SGSH: variants seen among roughly 807,000 people sequenced by gnomAD.
SGSH encodes the protein N-sulfoglucosamine sulfohydrolase.
Under a neutral mutation model 51.0 loss-of-function variants are expected in SGSH, and 48 were observed. That is an observed-to-expected ratio of 0.94 (90% CI 0.75 to 1.20). The LOEUF is 1.20. Among genes scored for constraint, SGSH ranks in the 50% most tolerant of loss-of-function variants. The probability of loss-of-function intolerance (pLI) is 0.00; values close to 1 mark genes in which losing one functional copy is unlikely to be tolerated. For synonymous variants in SGSH, 321 were observed against 313.4 expected, an observed-to-expected ratio of 1.02 and a Z score of -0.26; for missense variants, 662 against 717.8, an observed-to-expected ratio of 0.92 and a Z score of 0.89.
In SGSH at chr17:80,210,816, C is replaced by CGGCGCT. The variant is rs398123244; in HGVS notation, c.1144_1145insAGCGCC (p.His381_Arg382insGlnArg). 71 of 1,613,840 alleles carry CGGCGCT rather than the reference C, an allele frequency of 4.4e-5. No homozygotes were observed. Among genetic ancestry groups the CGGCGCT allele is most frequent in the Non-Finnish European group, 5.9e-5 (70 of 1,180,024 alleles). On this transcript the variant is annotated inframe_insertion, in exon 8 of 8. Transcript: ENST00000326317. ...GAGGTTGTGCACGAGGCGGAAGTGC[C>CGGCGCT]GGTGCTGCACGGAGCGCATGGGGTA... is the stretch of plus-strand genomic sequence containing the variant.
chr17:80,212,243 G>A lies in SGSH; in HGVS notation c.777C>T (p.Asp259=), dbSNP rs761104676. The A allele has an allele frequency of 6.8e-6, 11 of 1,612,134 alleles. No individual in the cohort carries two copies. The highest frequency in any genetic ancestry group is 2.2e-5 in the East Asian group (1 of 44,854). Residue 259 remains aspartate (D), a synonymous_variant, in exon 7 of 8, where the codon GAC becomes GAT. Coordinates refer to ENST00000326317, the MANE Select transcript of SGSH (RefSeq NM_000199.5). This position sits in a 1 kb window ranked among gnomAD's most constrained non-coding sequence, Gnocchi z 5.9. ...GVGLVLQELR[D]AGVLNDTLVI... ...CCAGTGTGTCGTTCAGGACACCGGCGTCACGCAGCTCCTGGAGCACCAGTC... is the reference window on the plus strand; with the variant it reads ...CCAGTGTGTCGTTCAGGACACCGGCATCACGCAGCTCCTGGAGCACCAGTC...
rs952103873 is a variant in SGSH, at chr17:80,211,098, C to T, written c.950-87G>A. On this transcript the variant is annotated intron_variant, in intron 7 of 7. Transcript: ENST00000326317. The stretch of plus-strand genomic sequence containing the variant: ...AGGGCCGAACCTACGCCACTCTGGG[C>T]GGCTCCCTTCTCCAATCCAATCAGC... 1.6e-5 allele frequency: 25 copies of T among 1,557,776 alleles called. No homozygotes were observed. The African/African-American group carries it at 1.8e-4, about 11-fold the overall frequency.
Position 80,214,194 on chromosome 17 carries a change from G to T in SGSH, c.641C>A (p.Ala214Asp), listed in dbSNP as rs74000629. ...TACCAGCACGTCCAGTGGGTCGTAG[G>T]CCTGGGGGGTCCAGTCTGGGATACG... ...MGRIPDWTPQ[A>D]YDPLDVLVPY... Residue 214 changes from alanine (A) to aspartate (D), a missense_variant, in exon 5 of 8, where the codon GCC becomes GAC. Transcript: ENST00000326317. 2.4e-4 allele frequency: 387 copies of T among 1,611,428 alleles called. 1 individual carries two copies. In the African/African-American group the frequency reaches 4.8e-3, roughly 20 times the overall value.
In SGSH at chr17:80,213,142, C is replaced by T. The variant is rs565485038; in HGVS notation, c.745+662G>A. The stretch of plus-strand genomic sequence containing the variant: ...CTGGGAGGTGGTGGTTGTAGTGAGC[C>T]GAGATTGCGCCACTGCACTCCCGCG... On this transcript the variant is annotated intron_variant, in intron 6 of 7. Coordinates refer to ENST00000326317, the MANE Select transcript of SGSH (RefSeq NM_000199.5). This position sits in a 1 kb window ranked among gnomAD's most constrained non-coding sequence, Gnocchi z 4.6. The T allele has an allele frequency of 6.6e-6, 1 of 150,762 alleles. No individual in the cohort carries two copies. Among genetic ancestry groups the T allele is most frequent in the Admixed American group, 6.6e-5 (1 of 15,096 alleles). 9.3% of individuals were successfully genotyped at this position (150,762 alleles called of 1,614,324 possible). A position where few individuals can be genotyped will look rare whatever the true frequency, so the allele number is the denominator to read the frequency against.
chr17:80,211,733 C>T lies in SGSH; in HGVS notation c.949+338G>A, dbSNP rs2041674311. ...TTGAGCCCGCCAAGATCTACTGAAT[C>T]GGACACCCTGGGATTTGCAATTTGG... is the stretch of plus-strand genomic sequence containing the variant. On this transcript the variant is annotated intron_variant, in intron 7 of 7. Transcript: ENST00000326317. The T allele has an allele frequency of 1.5e-5, 6 of 390,050 alleles. No individual in the cohort carries two copies. In the East Asian group the frequency reaches 1.8e-4, roughly 12 times the overall value. The allele number at this position is 390,050 out of a possible 1,614,324, so 24.2% of individuals were successfully genotyped here.
chr17:80,210,215 C>T lies in SGSH; in HGVS notation c.*237G>A, dbSNP rs1401251740. On this transcript the variant is annotated 3_prime_UTR_variant, in exon 8 of 8. Coordinates refer to ENST00000326317, the MANE Select transcript of SGSH (RefSeq NM_000199.5). ...TCAGACACAAGGACAACTGTGTCCCCTGCCATGACGGCAGTGCCCCTGGTG... is the reference window on the plus strand; with the variant it reads ...TCAGACACAAGGACAACTGTGTCCCTTGCCATGACGGCAGTGCCCCTGGTG... 7.1e-7 allele frequency: 1 copy of T among 1,418,030 alleles called. No individual in the cohort carries two copies. Among genetic ancestry groups the T allele is most frequent in the Non-Finnish European group, 9.2e-7 (1 of 1,089,554 alleles). 87.8% of individuals were successfully genotyped at this position (1,418,030 alleles called of 1,614,324 possible).
downstream of SGSH, chr17:80,207,197 G>T (rs777317088): frequency 1.5e-6 from 1 of 669,008 alleles, no homozygotes; most frequent in Non-Finnish European, 2.5e-6. Context: ...AAGCTGAGGC[G>T]CTGACAGGGC....
Position 80,216,063 on chromosome 17 carries a change from T to G in SGSH, c.250-925A>C, listed in dbSNP as rs2041879848. Among the ~76,000 whole-genome samples, 5 of 151,958 alleles carry G rather than the reference T, an allele frequency of 3.3e-5. No individual in the cohort carries two copies. In the South Asian group the frequency reaches 1.0e-3, roughly 32 times the overall value. On this transcript the variant is annotated intron_variant, in intron 2 of 7. Transcript: ENST00000326317. The stretch of plus-strand genomic sequence containing the variant: ...CAAAAGGGGGGCCGGGCTCGGTGGC[T>G]CACGCCTGTAATCCCAGCACTTTGG...
chr17:80,204,969 G>A (rs577160244), downstream of SGSH: 148 of 1,387,864 alleles, frequency 1.1e-4, no homozygotes, highest in Admixed American at 1.7e-3. Flanking sequence ...AGTCCCTCCC[G>A]GGGCAGGGTA....
At position 80,217,096 on chromosome 17, in the gene SGSH, T is replaced by C. The variant is rs1396883948; in HGVS notation, c.185A>G (p.Asn62Ser). The C allele has an allele frequency of 5.0e-6, 8 of 1,604,546 alleles. No homozygotes were observed. Among genetic ancestry groups the C allele is most frequent in the Middle Eastern group, 3.3e-4 (2 of 6,020 alleles). The stretch of plus-strand genomic sequence containing the variant: ...GCAGCTGCTGACCGAGGTGAAGGCA[T>C]TGCGAAAGAGGAGGCTGCGGCGGGC... ...ALARRSLLFRNAFTSVSSCSP... is the reference protein window; with the variant it reads ...ALARRSLLFRSAFTSVSSCSP... The change falls in exon 2 of 8, where the codon AAT (asparagine) becomes AGT (serine). Residue 62 changes from asparagine (N) to serine (S), a missense_variant. Coordinates refer to ENST00000326317, the MANE Select transcript of SGSH (RefSeq NM_000199.5).
In SGSH at chr17:80,212,519, C is replaced by T; in HGVS notation, c.746-245G>A. 1 of 566,940 alleles carries T rather than the reference C, an allele frequency of 1.8e-6. No homozygotes were observed. Among genetic ancestry groups the T allele is most frequent in the Non-Finnish European group, 3.2e-6 (1 of 313,058 alleles). 35.1% of individuals were successfully genotyped at this position (566,940 alleles called of 1,614,324 possible). A position where few individuals can be genotyped will look rare whatever the true frequency, so the allele number is the denominator to read the frequency against. ...CAGGGACTCCAGCCATCCCTTGGCACTTCTGTGTCACCCCCAGGCAGCTGC... is the reference window on the plus strand; with the variant it reads ...CAGGGACTCCAGCCATCCCTTGGCATTTCTGTGTCACCCCCAGGCAGCTGC... On this transcript the variant is annotated intron_variant, in intron 6 of 7. Transcript: ENST00000326317. The surrounding 1 kb of genome is among the most constrained non-coding windows in gnomAD (Gnocchi z 5.9).
intron 1 of SGSH, 44 bp downstream of exon 1, chr17:80,220,182 C>G: frequency 7.0e-7 from 1 of 1,438,150 alleles, no homozygotes. Flanking sequence ...GCCACTTCCC[C>G]GGGCCACCGC....
At position 80,214,728 on chromosome 17, in the gene SGSH, CACGG is replaced by C; in HGVS notation, c.389_392del (p.Thr130SerfsTer133). 3.1e-6 allele frequency: 5 copies of C among 1,613,048 alleles called. No individual in the cohort carries two copies. The highest frequency in any genetic ancestry group is 4.2e-6 in the Non-Finnish European group (5 of 1,180,018). ...CCGTGTACGCAAAGTCAAACGGGTA[CACGG>C]TCTCCGGCCCCACGTGCTTCTTCCC... is the stretch of plus-strand genomic sequence containing the variant. On this transcript the variant is annotated frameshift_variant, in exon 4 of 8. Coordinates refer to ENST00000326317, the MANE Select transcript of SGSH (RefSeq NM_000199.5). LOFTEE classifies it high-confidence loss of function.
chr17:80,204,363 C>T (rs2041159555), downstream of SGSH: 2 of 1,531,708 alleles, frequency 1.3e-6, no homozygotes, highest in African/African-American at 2.7e-5. Context: ...TGAGCTGGCA[C>T]AGGGGCCACT....
intron 4 of SGSH, 54 bp from the exon 5 acceptor site, chr17:80,214,382 AG>A: frequency 6.3e-7 from 1 of 1,588,072 alleles, no homozygotes. Flanking sequence ...CACGTGGCAC[AG>A]GAAGCCCCTC....
chr17:80,202,128 C>T (rs375862251), downstream of SGSH: 16 of 1,504,110 alleles, frequency 1.1e-5, no homozygotes, highest in Middle Eastern at 1.7e-4. Context: ...CAACCTTCCT[C>T]GCAGAGGCTC....
At chr17:80,209,118 C>G (rs2041515708), downstream of SGSH, 4 of 177,272 alleles carry the variant, frequency 2.3e-5, no homozygotes, top group Non-Finnish European at 4.4e-5. Context: ...TTGGGCCAAA[C>G]ATCTTTACTC....
chr17:80,213,049 C>A lies in SGSH; in HGVS notation c.745+755G>T, dbSNP rs1006931107. On this transcript the variant is annotated intron_variant, in intron 6 of 7. Transcript: ENST00000326317. The surrounding 1 kb of genome is among the most constrained non-coding windows in gnomAD (Gnocchi z 4.6). ...ACTAAAAATATAAAAATTAGCTGGG[C>A]ATGGTGGCGTGCGGTGCGATTGCAG... The A allele has an allele frequency of 6.5e-6, 1 of 153,144 alleles. No individual in the cohort carries two copies. Among genetic ancestry groups the A allele is most frequent in the Non-Finnish European group, 1.5e-5 (1 of 68,928 alleles). The allele number at this position is 153,144 out of a possible 1,614,324, so 9.5% of individuals were successfully genotyped here. A position where few individuals can be genotyped will look rare whatever the true frequency, so the allele number is the denominator to read the frequency against.
intron 1 of SGSH, among the ~76,000 whole-genome samples, chr17:80,218,104 G>A (rs1438459446): frequency 4.6e-5 from 7 of 152,256 alleles, no homozygotes; most frequent in African/African-American, 1.7e-4. Flanking sequence ...AGCCGGCTAG[G>A]CATTTAGGCA....
Sources: allele counts gnomAD v4.1 joint callset (sites outside exome capture counted in the v4.1 genomes callset), GRCh38; gene constraint gnomAD v4.1.1; non-coding constraint Gnocchi (gnomAD v3.1); transcripts MANE v1.5; gene names NCBI Gene and HGNC (gene_info 2026-07-23, HGNC 2026-07-21).